The following EYS variants were observed in gnomAD, a reference collection of about 807,000 sequenced individuals.
EYS encodes the protein protein eyes shut homolog.
A neutral mutation model predicts 282.1 loss-of-function variants in EYS; 250 were observed. The ratio of observed to expected loss-of-function variants is 0.89; its 90% CI spans 0.80 to 0.98. EYS has a LOEUF of 0.98. EYS is among the 50% of genes least tolerant of loss of function. The probability of loss-of-function intolerance (pLI) is 0.00; values close to 1 mark genes in which losing one functional copy is unlikely to be tolerated. For synonymous variants in EYS, 1,355 were observed against 1,282.9 expected, an observed-to-expected ratio of 1.06 and a Z score of -1.20; for missense variants, 4,016 against 3,709.0, an observed-to-expected ratio of 1.08 and a Z score of -2.15.
chr6:63,910,082 A>G (rs1051687067), intron 35 of EYS, among the ~76,000 whole-genome samples: 4 of 152,354 alleles, frequency 2.6e-5, no homozygotes, highest in Non-Finnish European at 5.9e-5. Flanking sequence ...GCTTAAAAGA[A>G]GACTGAAAAA....
At chr6:64,804,374 A>G (rs1049218214) in intron 22 of EYS, among the ~76,000 whole-genome samples, 5 of 152,186 alleles carry the variant, frequency 3.3e-5, no homozygotes, top group African/African-American at 1.2e-4. Flanking sequence ...AGTGTGACAT[A>G]TAACAATTCA....
At chr6:65,278,065 C>CTTTTCTTTTCTTT (rs1236190164) in intron 12 of EYS, among the ~76,000 whole-genome samples, 1 of 3,438 alleles carries the variant, frequency 2.9e-4, no homozygotes, top group African/African-American at 1.0e-3. Flanking sequence ...TTCTTTTTTT[C>CTTTTCTTTTCTTT]TGCCTTCCGT....
At chr6:64,302,412 A>G (rs1226966946) in intron 30 of EYS, among the ~76,000 whole-genome samples, 1 of 152,180 alleles carries the variant, frequency 6.6e-6, no homozygotes, top group African/African-American at 2.4e-5. Flanking sequence ...AAACTTAGAT[A>G]TGTACATGGA....
At chr6:64,379,214 A>C (rs1772662724) in intron 29 of EYS, among the ~76,000 whole-genome samples, 1 of 152,124 alleles carries the variant, frequency 6.6e-6, no homozygotes, top group Non-Finnish European at 1.5e-5. Flanking sequence ...TAAGTCCTTA[A>C]ATTTCACTAG....
chr6:64,331,235 A>T (rs1016367375), intron 29 of EYS, among the ~76,000 whole-genome samples: 1 of 152,178 alleles, frequency 6.6e-6, no homozygotes, highest in Non-Finnish European at 1.5e-5. Flanking sequence ...AGCCATATAC[A>T]AGGAAAGAGG....
At chr6:65,257,348 G>A (rs968391910) in intron 12 of EYS, among the ~76,000 whole-genome samples, 2 of 103,438 alleles carry the variant, frequency 1.9e-5, no homozygotes, top group Non-Finnish European at 3.8e-5. Context: ...CCTTGCCCAC[G>A]CCTATGTCCT....
intron 25 of EYS, 77 bp downstream of exon 25, chr6:64,593,040 A>G (rs1378002798): frequency 9.0e-7 from 1 of 1,108,324 alleles, no homozygotes; most frequent in East Asian, 3.0e-5. Context: ...AAAGATTTTA[A>G]TAATGCAGAA....
intron 21 of EYS, among the ~76,000 whole-genome samples, chr6:64,818,216 C>G (rs774176635): frequency 2.0e-5 from 3 of 152,146 alleles, no homozygotes; most frequent in Non-Finnish European, 4.4e-5. Context: ...TACTCACTTT[C>G]CTTTTCTGTT....
intron 29 of EYS, among the ~76,000 whole-genome samples, chr6:64,337,886 T>C (rs1309860589): frequency 6.6e-6 from 1 of 152,108 alleles, no homozygotes; most frequent in Non-Finnish European, 1.5e-5. Context: ...CATCACATGA[T>C]CATCTCAATA....
chr6:65,216,931 A>G (rs887770460), intron 12 of EYS, among the ~76,000 whole-genome samples: 19 of 152,156 alleles, frequency 1.2e-4, no homozygotes, highest in African/African-American at 4.6e-4. Context: ...AAAATTAGTG[A>G]AAACCTAATT....
chr6:64,912,019 G>A (rs1210755209), intron 16 of EYS, among the ~76,000 whole-genome samples: 1 of 152,060 alleles, frequency 6.6e-6, no homozygotes, highest in Non-Finnish European at 1.5e-5. Flanking sequence ...AGACAAAGTA[G>A]CCACCAAAGT....
At chr6:64,006,226 G>A (rs1202913891) in intron 33 of EYS, among the ~76,000 whole-genome samples, 1 of 151,774 alleles carries the variant, frequency 6.6e-6, no homozygotes, top group Non-Finnish European at 1.5e-5. Context: ...TCTCTCTGTG[G>A]GTCTTGTGAA....
intron 22 of EYS, among the ~76,000 whole-genome samples, chr6:64,708,100 G>T (rs906942828): frequency 7.9e-5 from 12 of 152,156 alleles, no homozygotes; most frequent in Non-Finnish European, 1.6e-4. Flanking sequence ...GTCTTCAGCA[G>T]ATTAAGTAAA....
rs1775478149 is a variant in EYS at position 64,454,272 on chromosome 6, G to A, written c.5645-14920C>T. On this transcript the variant is annotated intron_variant, in intron 26 of 42. Transcript: ENST00000503581. ...GTCAACCCTCAGCCAATCAAACACA[G>A]AGTTAATTGGTTTTTTGATGAGATT... Among the ~76,000 whole-genome samples the A allele has an allele frequency of 2.0e-5, 3 of 152,174 alleles. No individual in the cohort carries two copies. In the South Asian group the frequency reaches 6.2e-4, roughly 32 times the overall value.
At chr6:64,481,598 C>T (rs368291049) in intron 26 of EYS, among the ~76,000 whole-genome samples, 2 of 151,286 alleles carry the variant, frequency 1.3e-5, no homozygotes, top group African/African-American at 4.8e-5. Context: ...ATAAATTCAG[C>T]TCGAATTCAT....
intron 24 of EYS, among the ~76,000 whole-genome samples, chr6:64,612,622 A>G (rs1439232180): frequency 2.6e-5 from 4 of 152,120 alleles, no homozygotes; most frequent in Non-Finnish European, 4.4e-5. Flanking sequence ...AGCTCTAAAC[A>G]TTAAGAAAAA....
chr6:64,723,946 G>A (rs1771670302), intron 22 of EYS, among the ~76,000 whole-genome samples: 1 of 152,046 alleles, frequency 6.6e-6, no homozygotes, highest in South Asian at 2.1e-4. Flanking sequence ...TCCACTACTT[G>A]ACACTCTCCT....
chr6:64,739,351 C>A (rs775318986), intron 22 of EYS, among the ~76,000 whole-genome samples: 21 of 152,126 alleles, frequency 1.4e-4, no homozygotes, highest in Non-Finnish European at 2.4e-4. Context: ...AAGGTGAAAA[C>A]TAAGGACAAT....
chr6:65,653,765 C>T (rs1582566827), intron 1 of EYS, among the ~76,000 whole-genome samples: 2 of 151,888 alleles, frequency 1.3e-5, no homozygotes, highest in Non-Finnish European at 1.5e-5. Flanking sequence ...TTTAGAGAAC[C>T]CTATTTCCTC....
Sources: allele counts gnomAD v4.1 joint callset (sites outside exome capture counted in the v4.1 genomes callset), GRCh38; gene constraint gnomAD v4.1.1; transcripts MANE v1.5; gene names NCBI Gene and HGNC (gene_info 2026-07-23, HGNC 2026-07-21).